Variants in ARHGAP15 observed in about 807,000 individuals in gnomAD.
ARHGAP15 encodes Rho GTPase activating protein 15.
Under a neutral mutation model 63.7 loss-of-function variants are expected in ARHGAP15, and 51 were observed. The ratio of observed to expected loss-of-function variants is 0.80; its 90% confidence interval spans 0.64 to 1.01. ARHGAP15 has a LOEUF of 1.01. Ranked by LOEUF, ARHGAP15 falls within the 50% of genes least tolerant of loss-of-function variation. The pLI is 0.00. For missense variants in ARHGAP15, 560 were observed against 564.6 expected (o/e 0.99, Z 0.08); for synonymous variants, 191 against 193.8 (o/e 0.99, Z 0.12).
In ARHGAP15 at chr2:143,674,071, T is replaced by C. The variant is rs1212897136; in HGVS notation, c.1139-29348T>C. On this transcript the variant is annotated intron_variant, in intron 12 of 13. Transcript: ENST00000295095. ...ATGAGAGTATAAAATGGTACAATCA[T>C]TTTAGAAAAGCATTTGTAAGTGTCT... Among the ~76,000 whole-genome samples, 5 of 151,988 alleles carry C rather than the reference T, an allele frequency of 3.3e-5. No homozygotes were observed. The South Asian group carries it at 1.0e-3, about 31-fold the overall frequency.
chr2:143,607,047 C>T (rs1698065221), intron 11 of ARHGAP15: 1 of 152,226 alleles, frequency 6.6e-6, no homozygotes, highest in African/African-American at 2.4e-5. Context: ...CTTGAAATTA[C>T]TTTCTTTTCC....
intron 11 of ARHGAP15, among the ~76,000 whole-genome samples, chr2:143,593,489 T>A (rs192833114): frequency 6.6e-6 from 1 of 152,324 alleles, no homozygotes; most frequent in Non-Finnish European, 1.5e-5. Flanking sequence ...GAAGAAAGGC[T>A]TTTACATGAG....
intron 12 of ARHGAP15, among the ~76,000 whole-genome samples, chr2:143,645,178 C>T (rs1189257282): frequency 2.0e-5 from 3 of 152,070 alleles, no homozygotes; most frequent in Non-Finnish European, 4.4e-5. Flanking sequence ...AGCTCTCCAG[C>T]TCTACAAGCC....
intron 6 of ARHGAP15, among the ~76,000 whole-genome samples, chr2:143,296,207 G>A (rs1374001682): frequency 6.6e-6 from 1 of 151,950 alleles, no homozygotes; most frequent in East Asian, 1.9e-4. Context: ...CTCTGACTAC[G>A]ACTGTCCCTC....
At chr2:143,409,686 T>C (rs1688365136) in intron 6 of ARHGAP15, among the ~76,000 whole-genome samples, 1 of 152,138 alleles carries the variant, frequency 6.6e-6, no homozygotes, top group East Asian at 1.9e-4. Flanking sequence ...ATACCATTTC[T>C]ATGCTTAAAT....
chr2:143,172,971 G>A (rs573079681), intron 2 of ARHGAP15, among the ~76,000 whole-genome samples: 1 of 152,064 alleles, frequency 6.6e-6, no homozygotes. Context: ...AGCCTACAAA[G>A]AAGTTAAAAG....
chr2:143,524,940 A>C (rs953987239), intron 10 of ARHGAP15, among the ~76,000 whole-genome samples: 7 of 152,208 alleles, frequency 4.6e-5, no homozygotes, highest in African/African-American at 7.2e-5. Context: ...GTAGTTGTTA[A>C]TATAATTTTC....
chr2:143,387,054 G>A (rs751217163), intron 6 of ARHGAP15, among the ~76,000 whole-genome samples: 15 of 152,026 alleles, frequency 9.9e-5, no homozygotes, highest in Non-Finnish European at 1.9e-4. Flanking sequence ...TTGGGTACTA[G>A]GCTTAGTACC....
intron 9 of ARHGAP15, among the ~76,000 whole-genome samples, chr2:143,496,724 G>T (rs533869861): frequency 1.3e-5 from 2 of 152,120 alleles, no homozygotes; most frequent in South Asian, 4.1e-4. Context: ...TCAAGTAAAA[G>T]AAATGCCAGA....
chr2:143,636,736 A>G (rs1485434064), intron 12 of ARHGAP15, among the ~76,000 whole-genome samples: 1 of 152,130 alleles, frequency 6.6e-6, no homozygotes, highest in Non-Finnish European at 1.5e-5. Flanking sequence ...ATCATGAATC[A>G]AAGTTTCCAG....
chr2:143,272,917 T>A (rs1681362565), intron 6 of ARHGAP15, among the ~76,000 whole-genome samples: 1 of 152,196 alleles, frequency 6.6e-6, no homozygotes, highest in South Asian at 2.1e-4. Flanking sequence ...TAACTCTATA[T>A]GATGGAATTT....
chr2:143,547,529 C>A (rs529259883), intron 10 of ARHGAP15, among the ~76,000 whole-genome samples: 11 of 151,160 alleles, frequency 7.3e-5, no homozygotes, highest in African/African-American at 2.4e-4. Context: ...ACTGCCTATA[C>A]TTCCGGATTC....
intron 5 of ARHGAP15, among the ~76,000 whole-genome samples, chr2:143,239,978 G>T (rs1693798494): frequency 9.2e-6 from 1 of 109,192 alleles, no homozygotes; most frequent in Admixed American, 1.3e-4. Context: ...GTGATAGAGT[G>T]AGACTCTGTC....
intron 8 of ARHGAP15, among the ~76,000 whole-genome samples, chr2:143,451,704 A>G (rs1690415892): frequency 6.6e-6 from 1 of 152,004 alleles, no homozygotes; most frequent in Admixed American, 6.6e-5. Context: ...TCATATGTTA[A>G]GATGTGCCCT....
At chr2:143,149,434 T>C (rs1271969694) in intron 1 of ARHGAP15, among the ~76,000 whole-genome samples, 1 of 152,002 alleles carries the variant, frequency 6.6e-6, no homozygotes, top group Non-Finnish European at 1.5e-5. Flanking sequence ...CATCCTTCTT[T>C]TAGGGAAAAA....
chr2:143,597,015 T>TA (rs1697544635), intron 11 of ARHGAP15, among the ~76,000 whole-genome samples: 1 of 152,132 alleles, frequency 6.6e-6, no homozygotes, highest in South Asian at 2.1e-4. Context: ...AATCCTATTT[T>TA]AAATGATCTC....
chr2:143,537,003 G>A (rs1044721986), intron 10 of ARHGAP15, among the ~76,000 whole-genome samples: 5 of 151,954 alleles, frequency 3.3e-5, no homozygotes, highest in Admixed American at 3.3e-4. Context: ...GTGTAAAAGT[G>A]TTCCTATTTC....
rs1040102500 is a variant in ARHGAP15 at position 143,537,524 on chromosome 2, A to C, written c.925+18160A>C. ...TTTATGGTTTTAGATCTAACATGTA[A>C]GTCTTTAATACATCTTGAATTAATT... On this transcript the variant is annotated intron_variant, in intron 10 of 13. Transcript: ENST00000295095. Among the ~76,000 whole-genome samples, 3 of 152,248 alleles carry C rather than the reference A, an allele frequency of 2.0e-5. No homozygotes were observed. The South Asian group carries it at 6.2e-4, about 31-fold the overall frequency.
chr2:143,518,016 C>G (rs2104979244), intron 9 of ARHGAP15, among the ~76,000 whole-genome samples: 1 of 152,170 alleles, frequency 6.6e-6, no homozygotes, highest in South Asian at 2.1e-4. Flanking sequence ...AAATGGGAAG[C>G]CCTTGGACCC....
Sources: gnomAD v4.1 joint callset for allele counts (sites outside exome capture counted in the v4.1 genomes callset) on GRCh38, gnomAD v4.1.1 for gene constraint, MANE v1.5 for transcripts, NCBI Gene and HGNC (gene_info 2026-07-23, HGNC 2026-07-21) for gene names.